VCAN: variants seen among roughly 807,000 people sequenced by gnomAD.
VCAN encodes the protein versican, also known as versican core protein.
Under a neutral mutation model 245.5 loss-of-function variants are expected in VCAN, and 44 were observed. That is an observed-to-expected ratio of 0.18 (90% CI 0.14 to 0.23). The LOEUF (loss-of-function observed/expected upper bound fraction) is 0.23, where lower values mean the gene tolerates loss of function less well. Among genes scored for constraint, VCAN ranks in the 10% least tolerant of loss-of-function variants. The pLI is 1.00. For synonymous variants in VCAN, 1,413 were observed against 1,437.0 expected (o/e 0.98, Z 0.38); for missense variants, 3,793 against 4,057.9 (o/e 0.93, Z 1.77).
intron 5 of VCAN, among the ~76,000 whole-genome samples, chr5:83,501,287 A>T (rs1407335482): frequency 6.6e-6 from 1 of 152,154 alleles, no homozygotes; most frequent in Non-Finnish European, 1.5e-5. Context: ...CCTTTGAAGC[A>T]CAAAAGTGTT....
chr5:83,536,339 T>A (rs1481090897), intron 7 of VCAN: 1 of 152,112 alleles, frequency 6.6e-6, no homozygotes, highest in East Asian at 1.9e-4. Flanking sequence ...CCCACTCTTG[T>A]GCATAGGATG....
Position 83,520,873 on chromosome 5 carries a change from T to A in VCAN, c.2567T>A (p.Leu856His), listed in dbSNP as rs754675297. 6.2e-7 allele frequency: 1 copy of A among 1,614,178 alleles called. No homozygotes were observed. The highest frequency in any genetic ancestry group is 1.3e-5 in the African/African-American group (1 of 75,062). The change falls in exon 7 of 15, where the codon CTT (leucine) becomes CAT (histidine). Residue 856 changes from leucine (L) to histidine (H), a missense_variant. Coordinates refer to ENST00000265077, the MANE Select transcript of VCAN (RefSeq NM_004385.5). ...FTEDGADEFT[L>H]IPDSTQKQLE... Reference sequence around the variant, plus strand: ...GAAGATGGAGCAGATGAATTTACTCTTATTCCAGATAGTACTCAAAAGCAG... The same window carrying A: ...GAAGATGGAGCAGATGAATTTACTCATATTCCAGATAGTACTCAAAAGCAG...
At chr5:83,481,276 G>A (rs1291992777) in intron 1 of VCAN, among the ~76,000 whole-genome samples, 4 of 140,514 alleles carry the variant, frequency 2.8e-5, no homozygotes, top group East Asian at 4.1e-4. Context: ...ACGGAGTCTC[G>A]CTCTGTCGCC....
intron 7 of VCAN, among the ~76,000 whole-genome samples, chr5:83,534,667 A>C (rs187181940): frequency 6.6e-6 from 1 of 152,204 alleles, no homozygotes; most frequent in East Asian, 1.9e-4. Flanking sequence ...AACTCCAGTT[A>C]AATCCCATGA....
At chr5:83,564,240 GA>G (rs1301522172) in intron 12 of VCAN, among the ~76,000 whole-genome samples, 6 of 151,800 alleles carry the variant, frequency 4.0e-5, no homozygotes, top group African/African-American at 1.5e-4. Context: ...GATTTTGGGG[GA>G]CATATTCCAA....
At position 83,541,432 on chromosome 5, in the gene VCAN, C is replaced by T. The variant is rs749368703; in HGVS notation, c.8429C>T (p.Thr2810Ile). 11 of 1,614,042 alleles carry T rather than the reference C, an allele frequency of 6.8e-6. No individual in the cohort carries two copies. In the South Asian group the frequency reaches 1.1e-4, roughly 16 times the overall value. ...EGSNPPYYTD[T>I]TLAVSTFAKL... ...TCCAATCCCCCATATTACACTGATA[C>T]AACATTAGCAGTTTCAACATTTGCG... Residue 2810 changes from threonine to isoleucine, a missense_variant, in exon 8 of 15, where the codon ACA becomes ATA. Transcript: ENST00000265077.
chr5:83,487,955 TAA>T (rs959075220), intron 2 of VCAN, among the ~76,000 whole-genome samples: 1 of 152,180 alleles, frequency 6.6e-6, no homozygotes, highest in Non-Finnish European at 1.5e-5. Context: ...AAAGACATGA[TAA>T]AGAGTTTCAA....
chr5:83,495,086 G>A (rs1005314713), intron 5 of VCAN, among the ~76,000 whole-genome samples: 20 of 152,160 alleles, frequency 1.3e-4, no homozygotes, highest in African/African-American at 4.6e-4. Context: ...GAATCCTAAA[G>A]TATAGATAAT....
intron 12 of VCAN, among the ~76,000 whole-genome samples, chr5:83,568,953 T>C (rs948332159): frequency 4.6e-5 from 7 of 151,964 alleles, no homozygotes; most frequent in Non-Finnish European, 7.4e-5. Context: ...TATCTGAGAG[T>C]ATGAGTAAAA....
Position 83,572,509 on chromosome 5 carries a change from A to G in VCAN, c.9829A>G (p.Asn3277Asp), listed in dbSNP as rs1748324274. 2 of 1,613,902 alleles carry G rather than the reference A, an allele frequency of 1.2e-6. No homozygotes were observed. Among genetic ancestry groups the G allele is most frequent in the Non-Finnish European group, 1.7e-6 (2 of 1,179,870 alleles). The change falls in exon 13 of 15, where the codon AAT becomes GAT. Residue 3277 changes from asparagine to aspartate, a missense_variant. Physicochemically the swap from Asn to Asp is conservative, Grantham distance 23 (BLOSUM62 1). Coordinates refer to ENST00000265077, the MANE Select transcript of VCAN (RefSeq NM_004385.5). ...CATTTGGCATGAGAATGGCCAGTGG[A>G]ATGATGTTCCCTGCAATTACCATCT... The part of the protein sequence containing the change: ...VIIWHENGQW[N>D]DVPCNYHLTY...
chr5:83,506,106 A>G (rs1158924130), intron 5 of VCAN, among the ~76,000 whole-genome samples: 1 of 152,178 alleles, frequency 6.6e-6, no homozygotes, highest in African/African-American at 2.4e-5. Context: ...GGCTGCTGTG[A>G]AGGTCTCTGA....
intron 9 of VCAN, 71 bp downstream of exon 9, chr5:83,545,721 C>A: frequency 8.4e-7 from 1 of 1,187,160 alleles, no homozygotes; most frequent in South Asian, 1.2e-5. Context: ...TTTATGTTGT[C>A]GAATCAATCA....
chr5:83,567,384 T>C (rs904309358), intron 12 of VCAN, among the ~76,000 whole-genome samples: 2 of 152,078 alleles, frequency 1.3e-5, no homozygotes, highest in Admixed American at 6.6e-5. Flanking sequence ...CACTGCAACC[T>C]CCACCTCCCA....
rs577182081 is a variant in VCAN at position 83,555,860 on chromosome 5, C to T, written c.9735+822C>T. Among the ~76,000 whole-genome samples, 107 of 152,166 alleles carry T rather than the reference C, an allele frequency of 7.0e-4. 1 individual carries two copies. The highest frequency in any genetic ancestry group is 2.4e-3 in the African/African-American group (100 of 41,524). ...TAATTCTTAAACGCAAAGTTGGGAT[C>T]CACTGGGCTAGATAGTAAGTGTAAA... On this transcript the variant is annotated intron_variant, in intron 12 of 14. Transcript: ENST00000265077.
At position 83,580,493 on chromosome 5, in the gene VCAN, C is replaced by T; in HGVS notation, c.*59C>T. 1 of 1,606,874 alleles carries T rather than the reference C, an allele frequency of 6.2e-7. No individual in the cohort carries two copies. The highest frequency in any genetic ancestry group is 8.5e-7 in the Non-Finnish European group (1 of 1,176,228). ...TCAGCCAAAGTCCTAACTTCCTGTG[C>T]CTTTCCTATCACCTCGAGAAGTAAT... On this transcript the variant is annotated 3_prime_UTR_variant, in exon 15 of 15. Coordinates refer to ENST00000265077, the MANE Select transcript of VCAN (RefSeq NM_004385.5).
In VCAN at chr5:83,512,229, A is replaced by G; in HGVS notation, c.875A>G (p.Asp292Gly). The G allele has an allele frequency of 6.2e-7, 1 of 1,614,128 alleles. No homozygotes were observed. Among genetic ancestry groups the G allele is most frequent in the Non-Finnish European group, 8.5e-7 (1 of 1,180,018 alleles). The change falls in exon 6 of 15, where the codon GAC becomes GGC. Residue 292 changes from aspartate (D) to glycine (G), a missense_variant. Asp to Gly is a moderately conservative substitution (Grantham distance 94). Around this residue, in one of 5 missense-constraint regions of VCAN, gnomAD observed 190 missense variants for 288.6 expected, o/e 0.66. Transcript: ENST00000265077. ...CAGGCGGCATGGAGGAACGGCTTTG[A>G]CCAGTGCGATTACGGGTGGCTGTCG... ...ELQAAWRNGFDQCDYGWLSDA... is the reference protein window; with the variant it reads ...ELQAAWRNGFGQCDYGWLSDA...
chr5:83,518,247 A>T (rs1045708603), intron 6 of VCAN, among the ~76,000 whole-genome samples: 6 of 149,340 alleles, frequency 4.0e-5, no homozygotes, highest in African/African-American at 1.5e-4. Flanking sequence ...TTTTTATTTT[A>T]AAAAAACAAT....
chr5:83,484,072 T>G (rs1203954142), intron 2 of VCAN, among the ~76,000 whole-genome samples: 2 of 152,194 alleles, frequency 1.3e-5, no homozygotes, highest in Admixed American at 6.5e-5. Flanking sequence ...TAATTTGAAA[T>G]TTTATATTCT....
chr5:83,511,525 C>T (rs1279057429), intron 5 of VCAN, among the ~76,000 whole-genome samples: 1 of 152,000 alleles, frequency 6.6e-6, no homozygotes, highest in African/African-American at 2.4e-5. Flanking sequence ...GAATTCTGTA[C>T]CACTTCTGAG....
Sources: allele counts gnomAD v4.1 joint callset (sites outside exome capture counted in the v4.1 genomes callset), GRCh38; gene constraint gnomAD v4.1.1; regional missense constraint gnomAD v4.1.1; transcripts MANE v1.5; gene names NCBI Gene and HGNC (gene_info 2026-07-23, HGNC 2026-07-21).